RYR2: variants seen among roughly 807,000 people sequenced by gnomAD.
RYR2 encodes ryanodine receptor 2.
In RYR2, 227 loss-of-function variants were observed where a neutral mutation model predicts 601.1. The observed-to-expected ratio is 0.38, with a 90% CI of 0.34 to 0.42. The LOEUF (loss-of-function observed/expected upper bound fraction) is 0.42, where lower values mean the gene tolerates loss of function less well. RYR2 is among the 10% of genes least tolerant of loss of function. RYR2 has a pLI of 1.00. For missense variants in RYR2, 4,646 were observed against 6,156.5 expected, an observed-to-expected ratio of 0.75 and a Z score of 8.21; for synonymous variants, 2,223 against 2,175.1, an observed-to-expected ratio of 1.02 and a Z score of -0.61.
chr1:237,590,076 C>A, intron 30 of RYR2, 75 bp downstream of exon 30: 1 of 1,312,078 alleles, frequency 7.6e-7, no homozygotes, highest in Non-Finnish European at 1.1e-6. Context: ...GGAACTTCTG[C>A]TTAGACAATT....
At chr1:237,633,315 C>A (rs1031533285) in intron 42 of RYR2, among the ~76,000 whole-genome samples, 1 of 152,172 alleles carries the variant, frequency 6.6e-6, no homozygotes, top group Non-Finnish European at 1.5e-5. Flanking sequence ...ATCTGCCTTT[C>A]ACCTTTGAGA....
chr1:237,248,991 C>T (rs1239804348), intron 1 of RYR2, among the ~76,000 whole-genome samples: 1 of 151,998 alleles, frequency 6.6e-6, no homozygotes, highest in Non-Finnish European at 1.5e-5. Context: ...TCTTGAACTC[C>T]CAATCTCAGG....
chr1:237,268,948 A>AAAAAAAAC (rs1689369703), intron 1 of RYR2, among the ~76,000 whole-genome samples: 2 of 149,146 alleles, frequency 1.3e-5, no homozygotes. Context: ...AAAAAAAAAA[A>AAAAAAAAC]AAAAAAAAAA....
chr1:237,830,443 A>G (rs149955622), intron 102 of RYR2, 87 bp from the exon 103 acceptor site: 5 of 816,180 alleles, frequency 6.1e-6, no homozygotes, highest in South Asian at 1.4e-5. Flanking sequence ...AGTGAACCAA[A>G]TAATAGCTGC....
chr1:237,635,493 A>T (rs190989409), intron 44 of RYR2, among the ~76,000 whole-genome samples: 47 of 152,338 alleles, frequency 3.1e-4, no homozygotes, highest in African/African-American at 1.1e-3. Context: ...TCAGCGATAT[A>T]GTAAAGCCGT....
At chr1:237,310,016 G>A (rs1694369829) in intron 2 of RYR2, among the ~76,000 whole-genome samples, 1 of 152,204 alleles carries the variant, frequency 6.6e-6, no homozygotes, top group Admixed American at 6.5e-5. Context: ...CCTGCAAGCA[G>A]AGGGAGCCAG....
intron 10 of RYR2, among the ~76,000 whole-genome samples, chr1:237,406,857 C>T (rs1184346290): frequency 7.9e-5 from 12 of 152,124 alleles, no homozygotes; most frequent in Admixed American, 7.9e-4. Flanking sequence ...AATACGGACA[C>T]ATTATTCTTA....
In RYR2 at chr1:237,500,819, A is replaced by G; in HGVS notation, c.2312A>G (p.Asn771Ser). The change falls in exon 21 of 105, where the codon AAT becomes AGT. Residue 771 changes from asparagine to serine, a missense_variant. By Grantham distance (46) the Asn-to-Ser change is conservative. Coordinates refer to ENST00000366574, the MANE Select transcript of RYR2 (RefSeq NM_001035.3). ...GCCCCAAGCATCTCGTTCCGAATTAATGGACAACCTGTTCAAGGAATGTTT... is the reference window on the plus strand; with the variant it reads ...GCCCCAAGCATCTCGTTCCGAATTAGTGGACAACCTGTTCAAGGAATGTTT... ...LSAPSISFRI[N>S]GQPVQGMFEN... The G allele has an allele frequency of 6.2e-7, 1 of 1,614,030 alleles. No individual in the cohort carries two copies. Among genetic ancestry groups the G allele is most frequent in the Non-Finnish European group, 8.5e-7 (1 of 1,179,896 alleles).
chr1:237,594,896 T>TTTTTTGTTTTTTTG (rs1675665774), intron 33 of RYR2, among the ~76,000 whole-genome samples: 4 of 20,460 alleles, frequency 2.0e-4, no homozygotes, highest in African/African-American at 2.9e-4. Context: ...GTTTTTTTTT[T>TTTTTTGTTTTTTTG]TTTTTTTTTT....
intron 10 of RYR2, among the ~76,000 whole-genome samples, chr1:237,410,911 A>G (rs560860215): frequency 3.3e-5 from 5 of 152,298 alleles, no homozygotes; most frequent in East Asian, 3.9e-4. Context: ...CAGAGCTTGA[A>G]TTTTTTATAG....
chr1:237,369,873 G>A (rs2149757056), intron 6 of RYR2, among the ~76,000 whole-genome samples: 1 of 152,180 alleles, frequency 6.6e-6, no homozygotes, highest in East Asian at 1.9e-4. Flanking sequence ...GGAGGAGAGA[G>A]GTGTAAGAGT....
chr1:237,451,359 G>T (rs1658090352), intron 14 of RYR2, among the ~76,000 whole-genome samples: 1 of 152,026 alleles, frequency 6.6e-6, no homozygotes, highest in South Asian at 2.1e-4. Flanking sequence ...ATCACTTGAG[G>T]TCAGGAATTT....
chr1:237,170,727 G>A (rs1045311007), intron 1 of RYR2, among the ~76,000 whole-genome samples: 1 of 152,212 alleles, frequency 6.6e-6, no homozygotes, highest in African/African-American at 2.4e-5. Context: ...AGGAAGATAT[G>A]ACCTATACTC....
chr1:237,100,905 C>T (rs555720876), intron 1 of RYR2, among the ~76,000 whole-genome samples: 3 of 152,198 alleles, frequency 2.0e-5, no homozygotes, highest in East Asian at 1.9e-4. Flanking sequence ...CCATCTGTCC[C>T]GGCCCCAGAG....
At chr1:237,529,633 T>C (rs900016777) in intron 24 of RYR2, among the ~76,000 whole-genome samples, 1 of 152,098 alleles carries the variant, frequency 6.6e-6, no homozygotes. Context: ...TCCCAAAATA[T>C]TATGCCGTTA....
intron 40 of RYR2, among the ~76,000 whole-genome samples, chr1:237,626,134 CA>C (rs1386273843): frequency 8.5e-5 from 13 of 152,132 alleles, no homozygotes; most frequent in Non-Finnish European, 1.3e-4. Flanking sequence ...GGTCGATTTT[CA>C]AATATTATTG....
rs1255947110 is a variant in RYR2 at position 237,249,584 on chromosome 1, C to T, written c.49-20913C>T. On this transcript the variant is annotated intron_variant, in intron 1 of 104. Transcript: ENST00000366574. Reference sequence around the variant, plus strand: ...TTTAATAAATGAGATAATTGAATCTCATTGAAGTGGATTATTCCAAGGTTG... The same window carrying T: ...TTTAATAAATGAGATAATTGAATCTTATTGAAGTGGATTATTCCAAGGTTG... 2.0e-5 allele frequency among the ~76,000 whole-genome samples: 3 copies of T among 152,092 alleles called. No homozygotes were observed. In the South Asian group the frequency reaches 6.2e-4, roughly 32 times the overall value.
At chr1:237,575,573 A>G (rs1673143785) in intron 29 of RYR2, among the ~76,000 whole-genome samples, 1 of 151,926 alleles carries the variant, frequency 6.6e-6, no homozygotes, top group Non-Finnish European at 1.5e-5. Flanking sequence ...ATTTCCATCC[A>G]TCTTACCACA....
chr1:237,788,231 G>C, intron 92 of RYR2, 96 bp downstream of exon 92: 4 of 926,092 alleles, frequency 4.3e-6, no homozygotes, highest in Non-Finnish European at 6.5e-6. Flanking sequence ...CTGAGTGGCA[G>C]TTAGGGAACC....
Sources: gnomAD v4.1 joint callset for allele counts (sites outside exome capture counted in the v4.1 genomes callset) on GRCh38, gnomAD v4.1.1 for gene constraint, MANE v1.5 for transcripts, NCBI Gene and HGNC (gene_info 2026-07-23, HGNC 2026-07-21) for gene names.